FRMPD4: variants seen among roughly 807,000 people sequenced by gnomAD.
FRMPD4 encodes the protein FERM and PDZ domain containing 4.
A neutral mutation model predicts 94.1 loss-of-function variants in FRMPD4; 22 were observed. The observed-to-expected ratio is 0.23, with a 90% confidence interval of 0.17 to 0.33. The LOEUF (loss-of-function observed/expected upper bound fraction) is 0.33. Ranked by LOEUF, FRMPD4 falls within the 10% of genes least tolerant of loss-of-function variation. The pLI, the probability that FRMPD4 is intolerant of heterozygous loss-of-function variation, is 1.00. For synonymous variants in FRMPD4, 631 were observed against 548.6 expected (o/e 1.15, Z -2.10); for missense variants, 1,111 against 1,339.9 (o/e 0.83, Z 2.67).
chrX:12,571,578 C>A (rs1170451216), intron 2 of FRMPD4, among the ~76,000 whole-genome samples: 1 of 112,734 alleles, frequency 8.9e-6, no homozygotes, highest in Non-Finnish European at 1.9e-5. Context: ...TAATTCTACT[C>A]TGTAATTGGC....
intron 1 of FRMPD4, among the ~76,000 whole-genome samples, chrX:12,221,232 A>G (rs750442487): frequency 4.1e-4 from 46 of 112,360 alleles, no homozygotes; most frequent in Non-Finnish European, 2.1e-4. Context: ...TATGCTTCTG[A>G]CTTTAAGGTT....
chrX:12,538,769 A>T (rs1460911515), intron 2 of FRMPD4, among the ~76,000 whole-genome samples: 1 of 112,270 alleles, frequency 8.9e-6, no homozygotes, highest in Non-Finnish European at 1.9e-5. Context: ...GAAAACTAAC[A>T]AACAGAAAGG....
intron 3 of FRMPD4, among the ~76,000 whole-genome samples, chrX:11,973,699 T>C (rs1307971476): frequency 8.9e-6 from 1 of 111,990 alleles, no homozygotes; most frequent in East Asian, 2.8e-4. Context: ...TCTTCTCCTT[T>C]GTTACTGAGA....
chrX:12,209,483 T>C (rs984525068), intron 1 of FRMPD4, among the ~76,000 whole-genome samples: 2 of 112,321 alleles, frequency 1.8e-5, no homozygotes, highest in African/African-American at 6.5e-5. Flanking sequence ...ACTGTAGATA[T>C]TTAAAGCCAC....
intron 1 of FRMPD4, among the ~76,000 whole-genome samples, chrX:12,457,814 C>T (rs759425564): frequency 8.9e-6 from 1 of 112,097 alleles, no homozygotes; most frequent in East Asian, 2.8e-4. Context: ...ATCACCGTCT[C>T]TCTTAATCTT....
intron 1 of FRMPD4, among the ~76,000 whole-genome samples, chrX:12,336,086 AT>A (rs113868037): frequency 0.069 from 7,241 of 104,977 alleles, 603 homozygotes; most frequent in African/African-American, 0.23. Flanking sequence ...AATTTCCAAG[AT>A]TTTTTTTTTT....
chrX:12,164,151 C>T (rs1304668316), intron 1 of FRMPD4, among the ~76,000 whole-genome samples: 1 of 110,565 alleles, frequency 9.0e-6, no homozygotes, highest in Admixed American at 9.6e-5. Flanking sequence ...CACTCATTAA[C>T]TCATCATTTA....
intron 3 of FRMPD4, among the ~76,000 whole-genome samples, chrX:12,007,341 T>A (rs1045036281): frequency 1.8e-5 from 2 of 112,495 alleles, no homozygotes; most frequent in Admixed American, 9.4e-5. Context: ...CCTTGGAGAT[T>A]GAGCAGAAAC....
chrX:12,702,059 C>T, intron 10 of FRMPD4, 49 bp downstream of exon 10: 1 of 1,145,906 alleles, frequency 8.7e-7, no homozygotes, highest in Non-Finnish European at 1.2e-6. Flanking sequence ...TGCCGCCTCC[C>T]TTAGCCCGGG....
At chrX:11,955,433 C>T (rs764487251) in intron 3 of FRMPD4, among the ~76,000 whole-genome samples, 1 of 110,412 alleles carries the variant, frequency 9.1e-6, no homozygotes, top group East Asian at 2.8e-4. Flanking sequence ...TAGAGTCCAG[C>T]TTGGGCAACA....
At chrX:12,118,114 C>T (rs1454909113) in intron 3 of FRMPD4, among the ~76,000 whole-genome samples, 3 of 111,823 alleles carry the variant, frequency 2.7e-5, no homozygotes, top group African/African-American at 9.8e-5. Flanking sequence ...TTATTACTGA[C>T]TTCTAAAACC....
At chrX:12,444,837 T>C in intron 1 of FRMPD4, among the ~76,000 whole-genome samples, 1 of 112,001 alleles carries the variant, frequency 8.9e-6, no homozygotes, top group Non-Finnish European at 1.9e-5. Context: ...CATGACCAAA[T>C]CACCTCTCAT....
chrX:12,216,958 G>A (rs2056814237), intron 1 of FRMPD4, among the ~76,000 whole-genome samples: 1 of 111,588 alleles, frequency 9.0e-6, no homozygotes, highest in African/African-American at 3.3e-5. Context: ...CTCTGCCCTA[G>A]GTTTAAAAAT....
chrX:12,368,748 G>A (rs768310645), intron 1 of FRMPD4, among the ~76,000 whole-genome samples: 44 of 110,546 alleles, frequency 4.0e-4, no homozygotes, highest in African/African-American at 1.2e-3. Context: ...GCCTGGCGGC[G>A]GGCGCCTGTA....
rs2055210691 is a variant in FRMPD4 at position 12,096,934 on chromosome X, A to G, written c.95+218916A>G. 2.7e-5 allele frequency among the ~76,000 whole-genome samples: 3 copies of G among 111,213 alleles called. No individual in the cohort carries two copies. The Admixed American group carries it at 2.9e-4, about 11-fold the overall frequency. ...ATTTTTGTTTACTATACATGTATAC[A>G]TTAGCCAGGGACTATTAGACTCAAT... On this transcript the variant is annotated intron_variant, in intron 3 of 18. Coordinates refer to the FRMPD4 transcript ENST00000640291.
At chrX:12,373,864 G>A (rs773928444) in intron 1 of FRMPD4, among the ~76,000 whole-genome samples, 5 of 112,201 alleles carry the variant, frequency 4.5e-5, no homozygotes, top group Non-Finnish European at 7.5e-5. Flanking sequence ...TTCCAAAGGC[G>A]GAACGGAGGG....
At chrX:12,142,727 G>A (rs896999911) in intron 1 of FRMPD4, among the ~76,000 whole-genome samples, 3 of 111,763 alleles carry the variant, frequency 2.7e-5, no homozygotes, top group Admixed American at 9.5e-5. Context: ...TGAAAGTCTA[G>A]TCGCTCGCAG....
rs1045634726 is a variant in FRMPD4, at chrX:12,138,793, G to T, written c.-179G>T. 5 of 361,357 alleles carry T rather than the reference G, an allele frequency of 1.4e-5. No homozygotes were observed. The highest frequency in any genetic ancestry group is 4.5e-5 in the East Asian group (1 of 22,170). 29.8% of individuals were successfully genotyped at this position (361,357 alleles called of 1,213,427 possible). A position where few individuals can be genotyped will look rare whatever the true frequency, so the allele number is the denominator to read the frequency against. On this transcript the variant is annotated 5_prime_UTR_variant, in exon 1 of 17. Coordinates refer to ENST00000675598, the MANE Select transcript of FRMPD4 (RefSeq NM_001368397.1). ...ATGCACACGCAGCTCGCGGCCGGAG[G>T]GGGGTAGCAGCCGCCGCCTCCAGGT... is the stretch of plus-strand genomic sequence containing the variant.
intron 9 of FRMPD4, among the ~76,000 whole-genome samples, chrX:12,699,488 AGCGT>A (rs2060166077): frequency 8.9e-6 from 1 of 112,801 alleles, no homozygotes; most frequent in Non-Finnish European, 1.9e-5. Context: ...GTGGATACAG[AGCGT>A]GCACGCACGG....
Sources: allele counts gnomAD v4.1 joint callset (sites outside exome capture counted in the v4.1 genomes callset), GRCh38; gene constraint gnomAD v4.1.1; transcripts MANE v1.5; gene names NCBI Gene and HGNC (gene_info 2026-07-23, HGNC 2026-07-21).